The following TOX variants were observed in gnomAD, a reference collection of about 807,000 sequenced individuals.
TOX encodes the protein thymocyte selection associated high mobility group box, also known as thymocyte selection-associated high mobility group box protein TOX.
Under a neutral mutation model 53.7 loss-of-function variants are expected in TOX, and 11 were observed. That is an observed-to-expected ratio of 0.20 (90% confidence interval 0.13 to 0.34). TOX has a LOEUF of 0.34. Ranked by LOEUF, TOX falls within the 10% of genes least tolerant of loss-of-function variation. TOX has a pLI of 1.00. For missense variants in TOX, 570 were observed against 664.6 expected, an observed-to-expected ratio of 0.86 and a Z score of 1.56; for synonymous variants, 225 against 245.3, an observed-to-expected ratio of 0.92 and a Z score of 0.77.
chr8:59,101,784 AAAAC>A (rs1375056335), intron 1 of TOX, among the ~76,000 whole-genome samples: 2 of 152,244 alleles, frequency 1.3e-5, no homozygotes, highest in Non-Finnish European at 2.9e-5. Flanking sequence ...AAAAATCCAA[AAAAC>A]AAACAAACAA....
At chr8:58,811,524 T>C (rs1810075359) in intron 7 of TOX, among the ~76,000 whole-genome samples, 1 of 152,252 alleles carries the variant, frequency 6.6e-6, no homozygotes. Flanking sequence ...TACTGGGAAC[T>C]AATTTCATTT....
chr8:58,866,145 T>C (rs534295989), intron 3 of TOX, among the ~76,000 whole-genome samples: 1 of 152,180 alleles, frequency 6.6e-6, no homozygotes, highest in African/African-American at 2.4e-5. Context: ...GACAGTGACA[T>C]GTTTTTAACA....
intron 2 of TOX, among the ~76,000 whole-genome samples, chr8:58,956,451 G>A (rs1182066854): frequency 6.6e-6 from 1 of 152,116 alleles, no homozygotes; most frequent in South Asian, 2.1e-4. Context: ...TAGATTTAGG[G>A]TGTACAACAT....
chr8:58,979,747 A>G (rs1412134546), intron 1 of TOX, among the ~76,000 whole-genome samples: 1 of 152,212 alleles, frequency 6.6e-6, no homozygotes, highest in Non-Finnish European at 1.5e-5. Flanking sequence ...TAAAAGCAGC[A>G]GCTTTGGAGC....
intron 1 of TOX, among the ~76,000 whole-genome samples, chr8:59,101,752 G>A (rs1804809973): frequency 6.6e-6 from 1 of 152,162 alleles, no homozygotes; most frequent in Admixed American, 6.5e-5. Flanking sequence ...ACCAGATTAA[G>A]GCTAAAATGA....
At chr8:59,077,981 A>G (rs1423678945) in intron 1 of TOX, among the ~76,000 whole-genome samples, 1 of 152,178 alleles carries the variant, frequency 6.6e-6, no homozygotes, top group African/African-American at 2.4e-5. Context: ...GTTCACAGGG[A>G]GAAGATGAAT....
intron 1 of TOX, among the ~76,000 whole-genome samples, chr8:58,997,996 G>C (rs532278311): frequency 6.6e-6 from 1 of 152,120 alleles, no homozygotes; most frequent in Non-Finnish European, 1.5e-5. Flanking sequence ...TTTTCACCAT[G>C]TTAGCCAGGA....
chr8:58,897,621 T>C (rs1811673931), intron 3 of TOX, among the ~76,000 whole-genome samples: 1 of 152,204 alleles, frequency 6.6e-6, no homozygotes, highest in African/African-American at 2.4e-5. Context: ...CATGAGGCTA[T>C]AGTCATTCCA....
intron 1 of TOX, among the ~76,000 whole-genome samples, chr8:58,964,617 T>C (rs754313967): frequency 6.6e-6 from 1 of 152,192 alleles, no homozygotes; most frequent in Non-Finnish European, 1.5e-5. Context: ...AGTGTGCTTG[T>C]AGAATGAGGC....
chr8:59,047,203 GTTTTTTTTTTTTTTTT>G (rs10551461), intron 1 of TOX, among the ~76,000 whole-genome samples: 3 of 44,684 alleles, frequency 6.7e-5, no homozygotes, highest in South Asian at 1.8e-3. Context: ...ACCAAGAATT[GTTTTTTTTTTTTTTTT>G]TTTTTTTTTT....
chr8:59,108,751 G>A (rs1421724895), intron 1 of TOX, among the ~76,000 whole-genome samples: 1 of 151,882 alleles, frequency 6.6e-6, no homozygotes, highest in African/African-American at 2.4e-5. Flanking sequence ...ATGAGAAAAT[G>A]AGATCTTGTT....
chr8:58,865,748 G>C (rs939369743), intron 3 of TOX, among the ~76,000 whole-genome samples: 2 of 151,852 alleles, frequency 1.3e-5, no homozygotes, highest in Non-Finnish European at 2.9e-5. Context: ...TAATCTGCCA[G>C]GGGAATTTTT....
chr8:58,908,101 G>GC (rs1376820465), intron 3 of TOX, among the ~76,000 whole-genome samples: 1 of 151,948 alleles, frequency 6.6e-6, no homozygotes, highest in African/African-American at 2.4e-5. Flanking sequence ...CTTTCCCAGA[G>GC]CCCCCGCCAT....
At chr8:59,047,608 GC>G (rs903756630) in intron 1 of TOX, among the ~76,000 whole-genome samples, 1 of 151,496 alleles carries the variant, frequency 6.6e-6, no homozygotes, top group Non-Finnish European at 1.5e-5. Context: ...TGTTGTCCCG[GC>G]TGGAGTTCAG....
chr8:58,952,113 G>A (rs1812631502), intron 2 of TOX, among the ~76,000 whole-genome samples: 2 of 152,166 alleles, frequency 1.3e-5, no homozygotes, highest in Admixed American at 1.3e-4. Flanking sequence ...TGTTTGAAGT[G>A]GCAGGTGAGG....
In TOX at chr8:59,056,827, C is replaced by T. The variant is rs148647241; in HGVS notation, c.102+62059G>A. On this transcript the variant is annotated intron_variant, in intron 1 of 8. Transcript: ENST00000361421. ...AACTAGAAAAAGACAAAAGCAATGG[C>T]CCTTTCTTGGCAGCAAGTCAGATCT... Among the ~76,000 whole-genome samples the T allele has an allele frequency of 6.5e-4, 99 of 152,274 alleles. No individual in the cohort carries two copies. The Middle Eastern group carries it at 0.02, about 31-fold the overall frequency.
chr8:59,047,514 G>C (rs928745481), intron 1 of TOX, among the ~76,000 whole-genome samples: 1 of 151,754 alleles, frequency 6.6e-6, no homozygotes, highest in African/African-American at 2.4e-5. Flanking sequence ...GTGAGCCACC[G>C]CGCCCGGCTG....
intron 2 of TOX, among the ~76,000 whole-genome samples, chr8:58,942,964 G>A (rs1812466547): frequency 6.6e-6 from 1 of 152,188 alleles, no homozygotes. Flanking sequence ...CTCACCAGAA[G>A]TTGAGCAGAT....
intron 6 of TOX, among the ~76,000 whole-genome samples, chr8:58,818,230 A>T (rs1297303135): frequency 6.6e-6 from 1 of 152,192 alleles, no homozygotes; most frequent in Non-Finnish European, 1.5e-5. Flanking sequence ...CCCTCAACCT[A>T]CTTTGAAAGA....
Sources: gnomAD v4.1 joint callset for allele counts (sites outside exome capture counted in the v4.1 genomes callset) on GRCh38, gnomAD v4.1.1 for gene constraint, MANE v1.5 for transcripts, NCBI Gene and HGNC (gene_info 2026-07-23, HGNC 2026-07-21) for gene names.